The following SATB1 variants were observed in gnomAD, a reference collection of about 807,000 sequenced individuals.
The protein encoded by SATB1 is DNA-binding protein SATB1.
SATB1 carries 11 observed loss-of-function variants against 86.9 expected under a neutral mutation model. That is an observed-to-expected ratio of 0.13 (90% CI 0.08 to 0.21). The LOEUF (loss-of-function observed/expected upper bound fraction) is 0.21. SATB1 is among the 10% of genes least tolerant of loss of function. The pLI is 1.00. For missense variants in SATB1, 551 were observed against 937.6 expected (o/e 0.59, Z 5.39); for synonymous variants, 357 against 357.2 (o/e 1.00, Z 0.01).
At position 18,444,297 on chromosome 3, in the gene SATB1, G is replaced by C. The variant is rs1427060540; in HGVS notation, c.-25+1221C>G. ...CCGGTGACCTGAAGGAGTTTGTTCA[G>C]CCAGGGTCTATTGGGCAGGTGTGGT... is the stretch of plus-strand genomic sequence containing the variant. On this transcript the variant is annotated intron_variant, in intron 1 of 3. Coordinates refer to the SATB1 transcript ENST00000415069. This position sits in a 1 kb window ranked among gnomAD's most constrained non-coding sequence, Gnocchi z 5.1. 2.0e-5 allele frequency among the ~76,000 whole-genome samples: 3 copies of C among 152,026 alleles called. No individual in the cohort carries two copies.
intron 5 of SATB1, among the ~76,000 whole-genome samples, chr3:18,406,054 A>G (rs1472500863): frequency 6.6e-6 from 1 of 152,052 alleles, no homozygotes; most frequent in African/African-American, 2.4e-5. Context: ...TAAATCATAT[A>G]ATAAAGAGCT....
At chr3:18,437,171 A>T (rs1699093387) in intron 1 of SATB1, among the ~76,000 whole-genome samples, 1 of 152,186 alleles carries the variant, frequency 6.6e-6, no homozygotes. Context: ...TATTAAGAGG[A>T]GCAAAATCAA....
chr3:18,441,054 C>T (rs1008448503), upstream of SATB1, among the ~76,000 whole-genome samples: 1 of 152,136 alleles, frequency 6.6e-6, no homozygotes, highest in African/African-American at 2.4e-5. Context: ...AATATGTATG[C>T]TTATTCTGCT....
At chr3:18,401,499 AT>A (rs1308664364) in intron 5 of SATB1, among the ~76,000 whole-genome samples, 1 of 152,104 alleles carries the variant, frequency 6.6e-6, no homozygotes, top group Non-Finnish European at 1.5e-5. Context: ...TATATAAGCT[AT>A]CCAAAGCACT....
chr3:18,364,132 TA>T (rs1695062056), intron 9 of SATB1, among the ~76,000 whole-genome samples: 1 of 152,206 alleles, frequency 6.6e-6, no homozygotes, highest in Non-Finnish European at 1.5e-5. Flanking sequence ...AATACATATA[TA>T]TTTTTTTCCT....
In SATB1 at chr3:18,444,911, G is replaced by C. The variant is rs941340582; in HGVS notation, c.-25+607C>G. 5.3e-5 allele frequency: 7 copies of C among 131,424 alleles called. No individual in the cohort carries two copies. The highest frequency in any genetic ancestry group is 4.3e-4 in the Admixed American group (6 of 13,802). 8.1% of individuals were successfully genotyped at this position (131,424 alleles called of 1,614,324 possible). On this transcript the variant is annotated intron_variant, in intron 1 of 3. Coordinates refer to the SATB1 transcript ENST00000415069. This position sits in a 1 kb window ranked among gnomAD's most constrained non-coding sequence, Gnocchi z 5.1. Reference sequence around the variant, plus strand: ...GGAGGGAGGAGATGTTAACGGGCGGGGGGGGGAGAAGGGGGAGGGGGCGGC... The same window carrying C: ...GGAGGGAGGAGATGTTAACGGGCGGCGGGGGGAGAAGGGGGAGGGGGCGGC...
intron 7 of SATB1, among the ~76,000 whole-genome samples, chr3:18,393,922 A>G (rs1292301495): frequency 6.6e-6 from 1 of 152,236 alleles, no homozygotes; most frequent in African/African-American, 2.4e-5. Flanking sequence ...AATAAGTCAT[A>G]TAATATTTTT....
chr3:18,355,398 T>A (rs1017665840), intron 9 of SATB1, among the ~76,000 whole-genome samples: 3 of 152,086 alleles, frequency 2.0e-5, no homozygotes, highest in Non-Finnish European at 4.4e-5. Context: ...TGATTTATGT[T>A]TTGCAGAAAA....
At chr3:18,387,831 G>A (rs1270006803) in intron 7 of SATB1, among the ~76,000 whole-genome samples, 4 of 152,078 alleles carry the variant, frequency 2.6e-5, no homozygotes, top group African/African-American at 4.8e-5. Context: ...AAACAATGAA[G>A]CCCCAAGGTT....
chr3:18,378,769 C>CTAATAGTATTACATA (rs1695896554), intron 8 of SATB1, among the ~76,000 whole-genome samples: 1 of 152,136 alleles, frequency 6.6e-6, no homozygotes, highest in Non-Finnish European at 1.5e-5. Context: ...CATACTATGG[C>CTAATAGTATTACATA]CTTTTTAATT....
At position 18,416,892 on chromosome 3, in the gene SATB1, C is replaced by T. The variant is rs772546835; in HGVS notation, c.388+10G>A. On this transcript the variant is annotated intron_variant, in intron 3 of 10. Coordinates refer to ENST00000338745, the MANE Select transcript of SATB1 (RefSeq NM_002971.6). ...AGCAATTTTTCCAACCCCACGTACA[C>T]ATTATTTACCTTTGGCCTGGGCAGC... The T allele has an allele frequency of 1.9e-6, 3 of 1,593,270 alleles. No homozygotes were observed. The highest frequency in any genetic ancestry group is 1.4e-5 in the African/African-American group (1 of 73,614).
intron 9 of SATB1, among the ~76,000 whole-genome samples, chr3:18,361,798 C>G (rs1694917057): frequency 6.6e-6 from 1 of 152,024 alleles, no homozygotes; most frequent in Non-Finnish European, 1.5e-5. Context: ...AAATACATCT[C>G]AGTGGGGAAT....
intron 5 of SATB1, among the ~76,000 whole-genome samples, chr3:18,408,359 C>T (rs1272607474): frequency 9.9e-5 from 15 of 152,084 alleles, no homozygotes; most frequent in African/African-American, 2.6e-4. Context: ...ATTTCTGTAG[C>T]GCCCTTCATG....
chr3:18,349,731 AC>A lies in SATB1; in HGVS notation c.1780-50del. The A allele has an allele frequency of 6.5e-7, 1 of 1,537,148 alleles. No individual in the cohort carries two copies. Among genetic ancestry groups the A allele is most frequent in the Non-Finnish European group, 8.8e-7 (1 of 1,142,770 alleles). ...CAGAGCTCTGCTATCGTGGAGTTCCACACAAAGCCGTCTCCAATCAGGAAAA... is the reference window on the plus strand; with the variant it reads ...CAGAGCTCTGCTATCGTGGAGTTCCAACAAAGCCGTCTCCAATCAGGAAAA... On this transcript the variant is annotated intron_variant, in intron 10 of 10. Transcript: ENST00000338745. The surrounding 1 kb of genome is among the most constrained non-coding windows in gnomAD (Gnocchi z 5.5).
upstream of SATB1, chr3:18,425,351 C>T: frequency 6.5e-6 from 1 of 154,882 alleles, no homozygotes; most frequent in Non-Finnish European, 1.4e-5. Flanking sequence ...GCGGCGGCGG[C>T]GGCGGCGGCG....
rs1694405347 is a variant in SATB1 at position 18,352,302 on chromosome 3, T to G, written c.1576-107A>C. The G allele has an allele frequency of 1.1e-6, 1 of 886,818 alleles. No individual in the cohort carries two copies. Among genetic ancestry groups the G allele is most frequent in the African/African-American group, 1.7e-5 (1 of 59,400 alleles). 54.9% of individuals were successfully genotyped at this position (886,818 alleles called of 1,614,324 possible). ...CCTATGAATTAACTTTTTCATAAGC[T>G]CAGAACACACCATTCTGCTTTAAAA... On this transcript the variant is annotated intron_variant, in intron 9 of 10. Coordinates refer to ENST00000338745, the MANE Select transcript of SATB1 (RefSeq NM_002971.6). The surrounding 1 kb of genome is among the most constrained non-coding windows in gnomAD (Gnocchi z 4.1).
chr3:18,377,721 C>T (rs1695834862), intron 9 of SATB1, among the ~76,000 whole-genome samples: 1 of 152,162 alleles, frequency 6.6e-6, no homozygotes, highest in East Asian at 1.9e-4. Flanking sequence ...TGAGAGGCAA[C>T]TATGCTCACT....
In SATB1 at chr3:18,424,036, GA is replaced by G. The variant is rs1009875905; in HGVS notation, c.-435del. On this transcript the variant is annotated 5_prime_UTR_variant, in exon 1 of 11. Coordinates refer to ENST00000338745, the MANE Select transcript of SATB1 (RefSeq NM_002971.6). ...GATCTGACAAGTGATTCGTTGGGGG[GA>G]AATCGTAAAAACAAAGCAAAACCCG... 1 of 151,826 alleles carries G rather than the reference GA, an allele frequency of 6.6e-6. No homozygotes were observed. 9.4% of individuals were successfully genotyped at this position (151,826 alleles called of 1,614,324 possible).
chr3:18,425,676 G>C (rs1698662228), upstream of SATB1, among the ~76,000 whole-genome samples: 1 of 151,808 alleles, frequency 6.6e-6, no homozygotes, highest in Admixed American at 6.6e-5. Flanking sequence ...GGCGCTGTGC[G>C]AGGGCTAGCG....
Sources: gnomAD v4.1 joint callset for allele counts (sites outside exome capture counted in the v4.1 genomes callset) on GRCh38, gnomAD v4.1.1 for gene constraint, Gnocchi (gnomAD v3.1) non-coding constraint, MANE v1.5 for transcripts, NCBI Gene and HGNC (gene_info 2026-07-23, HGNC 2026-07-21) for gene names.